SSX5: variants seen among roughly 807,000 people sequenced by gnomAD.
SSX5 encodes the protein protein SSX5.
In SSX5, 14 loss-of-function variants were observed where a neutral mutation model predicts 14.9. The ratio of observed to expected loss-of-function variants is 0.94; its 90% confidence interval spans 0.62 to 1.47. The LOEUF is 1.47. Ranked by LOEUF, SSX5 falls within the 40% of genes most tolerant of loss-of-function variation. The pLI is 0.00. For synonymous variants in SSX5, 70 were observed against 55.4 expected (o/e 1.26, Z -1.17); for missense variants, 204 against 154.6 (o/e 1.32, Z -1.70).
In SSX5 at chrX:48,186,546, G is replaced by C; in HGVS notation, c.*315C>G. On this transcript the variant is annotated 3_prime_UTR_variant, in exon 8 of 8. Coordinates refer to ENST00000347757, the MANE Select transcript of SSX5 (RefSeq NM_175723.2). Reference sequence around the variant, plus strand: ...GGAGGGTAGTGTTGTTCTATGCAGAGAATACCTGACGATACTTGTTTTCTG... The same window carrying C: ...GGAGGGTAGTGTTGTTCTATGCAGACAATACCTGACGATACTTGTTTTCTG... 1 of 427,452 alleles carries C rather than the reference G, an allele frequency of 2.3e-6. No homozygotes were observed. The highest frequency in any genetic ancestry group is 3.3e-5 in the South Asian group (1 of 30,644). 35.2% of individuals were successfully genotyped at this position (427,452 alleles called of 1,213,427 possible). A position where few individuals can be genotyped will look rare whatever the true frequency, so the allele number is the denominator to read the frequency against.
intron 1 of SSX5, among the ~76,000 whole-genome samples, chrX:48,196,406 G>T (rs1399355919): frequency 9.5e-6 from 1 of 105,227 alleles, no homozygotes; most frequent in Admixed American, 1.0e-4. Context: ...GTCAGACAAG[G>T]TCTTGCTCTG....
intron 6 of SSX5, 111 bp from the exon 7 acceptor site, chrX:48,187,842 C>A (rs1323398201): frequency 1.7e-5 from 16 of 967,405 alleles, no homozygotes; most frequent in Non-Finnish European, 2.3e-5. Context: ...CTCCCCACCA[C>A]CAAGTGCCCA....
At chrX:48,195,471 G>C in intron 1 of SSX5, 93 bp from the exon 2 acceptor site, 2 of 882,268 alleles carry the variant, frequency 2.3e-6, no homozygotes, top group Non-Finnish European at 1.6e-6. Flanking sequence ...TCAGTCACCT[G>C]GAATCAGGAG....
chrX:48,189,520 C>T (rs782217037), intron 6 of SSX5, among the ~76,000 whole-genome samples: 1 of 112,277 alleles, frequency 8.9e-6, no homozygotes, highest in South Asian at 3.7e-4. Context: ...GTGTGACTCA[C>T]TGAAGTCGCA....
At chrX:48,192,497 G>A (rs1556924995) in intron 4 of SSX5, 1 of 497,434 alleles carries the variant, frequency 2.0e-6, no homozygotes, top group African/African-American at 2.4e-5. Flanking sequence ...TTATCACATG[G>A]GGACTAAACC....
chrX:48,194,282 C>T lies in SSX5; in HGVS notation c.185-58G>A, dbSNP rs190348782. The T allele has an allele frequency of 5.3e-6, 6 of 1,135,166 alleles. No homozygotes were observed. The East Asian group carries it at 1.8e-4, about 34-fold the overall frequency. The allele number at this position is 1,135,166 out of a possible 1,213,427, so 93.6% of individuals were successfully genotyped here. ...GACAAGCTTAGGCCTGGTATGGTGGCTCATGTCTGTAGTAGCAGCTCTTTG... is the reference window on the plus strand; with the variant it reads ...GACAAGCTTAGGCCTGGTATGGTGGTTCATGTCTGTAGTAGCAGCTCTTTG... On this transcript the variant is annotated intron_variant, in intron 3 of 7. Coordinates refer to ENST00000347757, the MANE Select transcript of SSX5 (RefSeq NM_175723.2).
At position 48,186,693 on chromosome X, in the gene SSX5, A is replaced by G; in HGVS notation, c.*168T>C. The G allele has an allele frequency of 1.0e-6, 1 of 966,835 alleles. No individual in the cohort carries two copies. The highest frequency in any genetic ancestry group is 2.4e-5 in the Admixed American group (1 of 41,592). 79.7% of individuals were successfully genotyped at this position (966,835 alleles called of 1,213,427 possible). A position where few individuals can be genotyped will look rare whatever the true frequency, so the allele number is the denominator to read the frequency against. On this transcript the variant is annotated 3_prime_UTR_variant, in exon 8 of 8. Transcript: ENST00000347757. ...AAATACAACAGAAACACTAACATCG[A>G]ACTCTTGGCACACTAAGAAAAATGA... is the stretch of plus-strand genomic sequence containing the variant.
intron 6 of SSX5, among the ~76,000 whole-genome samples, chrX:48,189,283 G>A (rs2059410947): frequency 8.9e-6 from 1 of 112,470 alleles, no homozygotes; most frequent in Admixed American, 9.5e-5. Flanking sequence ...TAGCTAGAGA[G>A]CATTGACTTC....
chrX:48,194,565 C>A (rs782405588), intron 3 of SSX5, among the ~76,000 whole-genome samples, 175 bp downstream of exon 3: 10 of 110,814 alleles, frequency 9.0e-5, no homozygotes, highest in Middle Eastern at 4.6e-3. Flanking sequence ...GTGGCCAGTC[C>A]CTGCCCTCAG....
intron 6 of SSX5, among the ~76,000 whole-genome samples, chrX:48,188,986 G>C (rs1326350892): frequency 1.8e-5 from 2 of 112,373 alleles, no homozygotes; most frequent in East Asian, 5.5e-4. Flanking sequence ...GTCTAATTCA[G>C]GGCAAGACCC....
chrX:48,192,727 C>T (rs1394316419), intron 4 of SSX5, among the ~76,000 whole-genome samples: 1 of 111,962 alleles, frequency 8.9e-6, no homozygotes, highest in Non-Finnish European at 1.9e-5. Context: ...ATTTTCAGTA[C>T]AAAGACAGTC....
intron 5 of SSX5, 125 bp from the exon 6 acceptor site, chrX:48,190,393 C>T: frequency 1.1e-6 from 1 of 912,047 alleles, no homozygotes; most frequent in Admixed American, 3.6e-5. Flanking sequence ...GAGAGTTACA[C>T]TTGCCTAAAT....
chrX:48,195,865 G>T (rs5953185), intron 1 of SSX5, among the ~76,000 whole-genome samples: 39 of 111,463 alleles, frequency 3.5e-4, no homozygotes, highest in Non-Finnish European at 6.8e-4. Context: ...AGAGAAATGA[G>T]CATCGCTACT....
At chrX:48,190,030 C>T in intron 6 of SSX5, 103 bp downstream of exon 6, 1 of 1,101,738 alleles carries the variant, frequency 9.1e-7, no homozygotes, top group African/African-American at 1.8e-5. Context: ...CTCAGCCCAG[C>T]CTGGACCCAG....
chrX:48,192,239 A>C lies in SSX5; in HGVS notation c.323T>G (p.Phe108Cys). 1 of 1,211,583 alleles carries C rather than the reference A, an allele frequency of 8.3e-7. No individual in the cohort carries two copies. The highest frequency in any genetic ancestry group is 1.1e-6 in the Non-Finnish European group (1 of 895,288). ...GATTTGAGAGACACTCACCTTCGGG[A>C]AGATTCCCTGGAGCCTGCCGAAAGT... Reference protein sequence around the residue: ...QMTFGRLQGIFPKITPEKPAE... With the variant: ...QMTFGRLQGICPKITPEKPAE... The change falls in exon 5 of 8, where the codon TTC becomes TGC. Residue 108 changes from phenylalanine (F) to cysteine (C), a missense_variant. Coordinates refer to ENST00000347757, the MANE Select transcript of SSX5 (RefSeq NM_175723.2).
At chrX:48,191,730 T>C (rs2059420977) in intron 5 of SSX5, among the ~76,000 whole-genome samples, 1 of 112,302 alleles carries the variant, frequency 8.9e-6, no homozygotes, top group Admixed American at 9.4e-5. Flanking sequence ...GAGCTCTGGA[T>C]TAGACTACCA....
In SSX5 at chrX:48,186,483, A is replaced by C; in HGVS notation, c.*378T>G. On this transcript the variant is annotated 3_prime_UTR_variant, in exon 8 of 8. Coordinates refer to ENST00000347757, the MANE Select transcript of SSX5 (RefSeq NM_175723.2). Reference sequence around the variant, plus strand: ...CAGAGGAAAAAATCTGAAATTAAACACTCAGAACTGCCCTCAGTGGTCACA... The same window carrying C: ...CAGAGGAAAAAATCTGAAATTAAACCCTCAGAACTGCCCTCAGTGGTCACA... 1 of 342,961 alleles carries C rather than the reference A, an allele frequency of 2.9e-6. No homozygotes were observed. The highest frequency in any genetic ancestry group is 3.9e-5 in the South Asian group (1 of 25,908). The allele number at this position is 342,961 out of a possible 1,213,427, so 28.3% of individuals were successfully genotyped here. A position where few individuals can be genotyped will look rare whatever the true frequency, so the allele number is the denominator to read the frequency against.
At chrX:48,195,242 C>A in intron 2 of SSX5, 48 bp downstream of exon 2, 1 of 1,206,518 alleles carries the variant, frequency 8.3e-7, no homozygotes, top group Non-Finnish European at 1.1e-6. Flanking sequence ...ACTGATCACC[C>A]CACACTGTCC....
chrX:48,193,313 CT>C (rs1173371087), intron 4 of SSX5, among the ~76,000 whole-genome samples: 4 of 108,894 alleles, frequency 3.7e-5, no homozygotes, highest in Non-Finnish European at 7.6e-5. Context: ...ATTAACAGTG[CT>C]TAGGAAGAAC....
Sources: allele counts gnomAD v4.1 joint callset (sites outside exome capture counted in the v4.1 genomes callset), GRCh38; gene constraint gnomAD v4.1.1; transcripts MANE v1.5; gene names NCBI Gene and HGNC (gene_info 2026-07-23, HGNC 2026-07-21).